The following TUSC3 variants were observed in gnomAD, a reference collection of about 807,000 sequenced individuals.
The protein encoded by TUSC3 is dolichyl-diphosphooligosaccharide--protein glycosyltransferase subunit TUSC3.
TUSC3 carries 45 observed loss-of-function variants against 44.8 expected under a neutral mutation model. The ratio of observed to expected loss-of-function variants is 1.00; its 90% CI spans 0.79 to 1.29. The LOEUF is 1.29. Ranked by LOEUF, TUSC3 falls within the 50% of genes most tolerant of loss-of-function variation. TUSC3 has a pLI of 0.00. For synonymous variants in TUSC3, 212 were observed against 152.9 expected (o/e 1.39, Z -2.85); for missense variants, 519 against 437.9 (o/e 1.19, Z -1.65).
intron 1 of TUSC3, among the ~76,000 whole-genome samples, chr8:15,602,534 A>G (rs544854622): frequency 6.6e-6 from 1 of 151,616 alleles, no homozygotes; most frequent in Non-Finnish European, 1.5e-5. Context: ...GCTGTGAGGT[A>G]AGTAACATGG....
At chr8:15,763,942 G>A (rs767108978) in intron 10 of TUSC3, among the ~76,000 whole-genome samples, 3 of 151,996 alleles carry the variant, frequency 2.0e-5, no homozygotes, top group Non-Finnish European at 2.9e-5. Flanking sequence ...AGCAATGAAA[G>A]GAATGTCTAT....
the TUSC3 span, among the ~76,000 whole-genome samples, chr8:15,814,199 C>T: frequency 2.0e-5 from 3 of 152,076 alleles, no homozygotes; most frequent in Non-Finnish European, 4.4e-5. Flanking sequence ...GTTTGACTTA[C>T]CTGTAGTTAT....
the TUSC3 span, among the ~76,000 whole-genome samples, chr8:15,814,153 C>T: frequency 6.6e-6 from 1 of 152,282 alleles, no homozygotes; most frequent in South Asian, 2.1e-4. Flanking sequence ...GCAGGTTTCT[C>T]TTACCAGAAT....
chr8:15,448,717 C>G (rs192026201), intron 1 of TUSC3, among the ~76,000 whole-genome samples: 1,984 of 152,120 alleles, frequency 0.013, 41 homozygotes, highest in African/African-American at 0.046. Context: ...GATTATGAAA[C>G]TAAAAATGTT....
intron 2 of TUSC3, among the ~76,000 whole-genome samples, chr8:15,502,475 A>G (rs1203032140): frequency 6.6e-6 from 1 of 151,860 alleles, no homozygotes; most frequent in Non-Finnish European, 1.5e-5. Flanking sequence ...CGGATCCAAT[A>G]TATATATTTT....
chr8:15,707,467 G>A (rs1250646449), intron 6 of TUSC3, among the ~76,000 whole-genome samples: 1 of 151,730 alleles, frequency 6.6e-6, no homozygotes, highest in Non-Finnish European at 1.5e-5. Flanking sequence ...ATATATTGTG[G>A]CAAACACCAC....
At chr8:15,529,839 G>A (rs1429703677) in intron 2 of TUSC3, among the ~76,000 whole-genome samples, 2 of 115,828 alleles carry the variant, frequency 1.7e-5, no homozygotes, top group East Asian at 2.8e-4. Flanking sequence ...TGCCCAGGCC[G>A]GACTGCGGAC....
intron 1 of TUSC3, among the ~76,000 whole-genome samples, chr8:15,614,484 C>A (rs1804903475): frequency 6.6e-6 from 1 of 152,150 alleles, no homozygotes; most frequent in African/African-American, 2.4e-5. Flanking sequence ...AACTGCTTAT[C>A]TACTTCTTGT....
chr8:15,564,948 G>A (rs148691301), intron 1 of TUSC3, among the ~76,000 whole-genome samples: 209 of 152,234 alleles, frequency 1.4e-3, no homozygotes, highest in Admixed American at 6.1e-3. Context: ...CAGATTCATG[G>A]GCAGATATGA....
At chr8:15,497,205 C>T (rs1405177848) in intron 2 of TUSC3, among the ~76,000 whole-genome samples, 1 of 152,284 alleles carries the variant, frequency 6.6e-6, no homozygotes, top group East Asian at 1.9e-4. Flanking sequence ...TGAGCAGGGA[C>T]TTGGTAGATA....
intron 1 of TUSC3, among the ~76,000 whole-genome samples, chr8:15,585,478 A>G (rs1045697195): frequency 6.6e-6 from 1 of 152,174 alleles, no homozygotes; most frequent in Non-Finnish European, 1.5e-5. Flanking sequence ...TGCTGTGAAG[A>G]GGGGACCTGG....
intron 2 of TUSC3, among the ~76,000 whole-genome samples, chr8:15,645,307 A>G (rs1186008217): frequency 6.6e-6 from 1 of 152,206 alleles, no homozygotes; most frequent in Non-Finnish European, 1.5e-5. Flanking sequence ...ACTTGAACAC[A>G]GAATACACAT....
the TUSC3 span, among the ~76,000 whole-genome samples, chr8:15,821,766 T>C: frequency 3.4e-4 from 50 of 145,348 alleles, no homozygotes; most frequent in Non-Finnish European, 5.4e-4. Flanking sequence ...ATGGGTAATT[T>C]CCTTTTATAT....
At chr8:15,474,954 G>T (rs747459043) in intron 1 of TUSC3, among the ~76,000 whole-genome samples, 2 of 152,088 alleles carry the variant, frequency 1.3e-5, no homozygotes, top group African/African-American at 4.8e-5. Context: ...TTGAAGTCAT[G>T]TCCCTTCTGT....
intron 2 of TUSC3, among the ~76,000 whole-genome samples, chr8:15,511,156 C>G (rs996027292): frequency 1.3e-5 from 2 of 152,196 alleles, no homozygotes; most frequent in Admixed American, 6.5e-5. Flanking sequence ...TGAATGCTTT[C>G]TCCCATAAGT....
intron 2 of TUSC3, among the ~76,000 whole-genome samples, chr8:15,509,398 C>G (rs1801102404): frequency 6.6e-6 from 1 of 152,162 alleles, no homozygotes; most frequent in Non-Finnish European, 1.5e-5. Context: ...TGCTTGAGGT[C>G]AAGTGTTCGA....
At chr8:15,546,736 T>C (rs1320847283) in intron 1 of TUSC3, among the ~76,000 whole-genome samples, 1 of 151,552 alleles carries the variant, frequency 6.6e-6, no homozygotes, top group African/African-American at 2.4e-5. Flanking sequence ...GGTTTCTCCA[T>C]GTTGGTCAGG....
chr8:15,806,301 T>C, the TUSC3 span: 39 of 690,590 alleles, frequency 5.6e-5, no homozygotes, highest in East Asian at 9.5e-4. Context: ...GTACACCACA[T>C]GGACTAAGTC....
the TUSC3 span, among the ~76,000 whole-genome samples, chr8:15,844,854 T>G: frequency 6.6e-6 from 1 of 152,140 alleles, no homozygotes; most frequent in Non-Finnish European, 1.5e-5. Context: ...TTAAAGCAAT[T>G]TAATGTGGCA....
Sources: gnomAD v4.1 joint callset for allele counts (sites outside exome capture counted in the v4.1 genomes callset) on GRCh38, gnomAD v4.1.1 for gene constraint, MANE v1.5 for transcripts, NCBI Gene and HGNC (gene_info 2026-07-23, HGNC 2026-07-21) for gene names.